EXOC6B: variants seen among roughly 807,000 people sequenced by gnomAD.
EXOC6B encodes exocyst complex component 6B.
Under a neutral mutation model 113.5 loss-of-function variants are expected in EXOC6B, and 54 were observed. The observed-to-expected ratio is 0.48, with a 90% CI of 0.38 to 0.60. The LOEUF (loss-of-function observed/expected upper bound fraction) is 0.60. Among genes scored for constraint, EXOC6B ranks in the 20% least tolerant of loss-of-function variants. The probability of loss-of-function intolerance (pLI) is 0.00; values close to 1 mark genes in which losing one functional copy is unlikely to be tolerated. For missense variants in EXOC6B, 797 were observed against 977.5 expected (o/e 0.82, Z 2.46); for synonymous variants, 357 against 339.0 (o/e 1.05, Z -0.58).
chr2:72,453,772 T>C (rs1573155041), intron 18 of EXOC6B, among the ~76,000 whole-genome samples: 2 of 152,306 alleles, frequency 1.3e-5, no homozygotes, highest in East Asian at 3.9e-4. Context: ...TTAGCATCAA[T>C]AAGAAAGAAT....
At chr2:72,660,482 C>T (rs928834881) in intron 6 of EXOC6B, among the ~76,000 whole-genome samples, 2 of 152,162 alleles carry the variant, frequency 1.3e-5, no homozygotes, top group Admixed American at 6.5e-5. Context: ...TGTCTCCTAA[C>T]AAAACTTTGT....
chr2:72,675,347 A>T (rs79725210), intron 6 of EXOC6B, among the ~76,000 whole-genome samples: 1 of 152,248 alleles, frequency 6.6e-6, no homozygotes, highest in African/African-American at 2.4e-5. Flanking sequence ...TCTTCTGAAC[A>T]ACCTACCTAA....
At chr2:72,454,800 G>C (rs1303392377) in intron 18 of EXOC6B, among the ~76,000 whole-genome samples, 2 of 152,070 alleles carry the variant, frequency 1.3e-5, no homozygotes, top group African/African-American at 4.8e-5. Context: ...TAGCTTTATG[G>C]GGAGAAAAGT....
At chr2:72,340,216 G>A (rs1688943314) in intron 19 of EXOC6B, among the ~76,000 whole-genome samples, 2 of 152,130 alleles carry the variant, frequency 1.3e-5, no homozygotes, top group African/African-American at 2.4e-5. Context: ...TGAGAGTTAG[G>A]AGGGGCCTTG....
intron 1 of EXOC6B, among the ~76,000 whole-genome samples, chr2:72,763,586 G>C (rs1275187897): frequency 6.6e-6 from 1 of 151,504 alleles, no homozygotes; most frequent in African/African-American, 2.4e-5. Context: ...CCACACCCGG[G>C]TAATTTTTGT....
At chr2:72,624,224 C>T (rs1475354214) in intron 6 of EXOC6B, among the ~76,000 whole-genome samples, 4 of 151,826 alleles carry the variant, frequency 2.6e-5, no homozygotes, top group African/African-American at 4.8e-5. Flanking sequence ...TCAAGTGATC[C>T]GCCCATCAAC....
At chr2:72,690,145 C>T (rs1178515663) in intron 6 of EXOC6B, among the ~76,000 whole-genome samples, 1 of 152,142 alleles carries the variant, frequency 6.6e-6, no homozygotes, top group Admixed American at 6.5e-5. Context: ...AACATAAAAC[C>T]TCTAAACAGA....
intron 20 of EXOC6B, among the ~76,000 whole-genome samples, chr2:72,282,574 T>C (rs1308684445): frequency 6.6e-6 from 1 of 151,722 alleles, no homozygotes; most frequent in Non-Finnish European, 1.5e-5. Context: ...TCCCAATGTA[T>C]CACTAATTAA....
chr2:72,688,913 C>G (rs985991518), intron 6 of EXOC6B, among the ~76,000 whole-genome samples: 2 of 152,208 alleles, frequency 1.3e-5, no homozygotes, highest in Non-Finnish European at 2.9e-5. Flanking sequence ...GTTCATGGTA[C>G]TAACCCGATC....
At chr2:72,559,777 G>A (rs1464310946) in intron 7 of EXOC6B, among the ~76,000 whole-genome samples, 1 of 152,180 alleles carries the variant, frequency 6.6e-6, no homozygotes, top group African/African-American at 2.4e-5. Context: ...AGAAACAGGT[G>A]GCACCAATCC....
At chr2:72,736,885 C>T (rs1439737390) in intron 2 of EXOC6B, among the ~76,000 whole-genome samples, 2 of 152,048 alleles carry the variant, frequency 1.3e-5, no homozygotes, top group African/African-American at 2.4e-5. Context: ...GATGGGATGG[C>T]TAGGTGAGGA....
At position 72,176,373 on chromosome 2, in the gene EXOC6B, T is replaced by C. The variant is rs1677736161; in HGVS notation, c.*2962A>G. The C allele has an allele frequency of 6.6e-6, 1 of 152,138 alleles. No individual in the cohort carries two copies. Among genetic ancestry groups the C allele is most frequent in the Non-Finnish European group, 1.5e-5 (1 of 68,084 alleles). The allele number at this position is 152,138 out of a possible 1,614,324, so 9.4% of individuals were successfully genotyped here. A position where few individuals can be genotyped will look rare whatever the true frequency, so the allele number is the denominator to read the frequency against. On this transcript the variant is annotated 3_prime_UTR_variant, in exon 22 of 22. Transcript: ENST00000272427. ...GTAGGGGAATTTCTGCAGCAGTTCC[T>C]AGAGAGTGTGCTCAGAGGCCTGATG...
intron 18 of EXOC6B, among the ~76,000 whole-genome samples, chr2:72,437,502 G>A (rs1317851319): frequency 3.3e-5 from 5 of 152,114 alleles, no homozygotes; most frequent in Admixed American, 6.6e-5. Context: ...GCCCACAGCC[G>A]CCCCTTCCCC....
At chr2:72,762,833 G>A (rs190677278) in intron 1 of EXOC6B, among the ~76,000 whole-genome samples, 7 of 151,886 alleles carry the variant, frequency 4.6e-5, no homozygotes, top group African/African-American at 1.4e-4. Context: ...CAAAAATAAT[G>A]ATAATGAACT....
intron 18 of EXOC6B, among the ~76,000 whole-genome samples, chr2:72,456,160 TG>T (rs1326043011): frequency 6.6e-6 from 1 of 152,154 alleles, no homozygotes; most frequent in Non-Finnish European, 1.5e-5. Context: ...TAATAATGAA[TG>T]CAAGGCATTT....
chr2:72,189,863 T>TC (rs765874834), intron 20 of EXOC6B, among the ~76,000 whole-genome samples: 3 of 110,900 alleles, frequency 2.7e-5, no homozygotes, highest in South Asian at 2.5e-4. Flanking sequence ...TCTTCTTCTT[T>TC]TTTTTTTTTT....
At chr2:72,625,181 G>A (rs968216125) in intron 6 of EXOC6B, among the ~76,000 whole-genome samples, 2 of 151,378 alleles carry the variant, frequency 1.3e-5, no homozygotes, top group Non-Finnish European at 2.9e-5. Flanking sequence ...CTCCCAAACT[G>A]CTGGGATTAC....
intron 20 of EXOC6B, among the ~76,000 whole-genome samples, chr2:72,192,188 T>C (rs1463346384): frequency 1.3e-5 from 2 of 152,130 alleles, no homozygotes; most frequent in Non-Finnish European, 2.9e-5. Flanking sequence ...TCCTTCTGAC[T>C]CCTCAACAGC....
At chr2:72,587,843 AC>A (rs1348166558) in intron 6 of EXOC6B, among the ~76,000 whole-genome samples, 3 of 152,064 alleles carry the variant, frequency 2.0e-5, no homozygotes, top group Admixed American at 2.0e-4. Flanking sequence ...CAAAAAAAAA[AC>A]AACTAACCCA....
Sources: allele counts gnomAD v4.1 joint callset (sites outside exome capture counted in the v4.1 genomes callset), GRCh38; gene constraint gnomAD v4.1.1; transcripts MANE v1.5; gene names NCBI Gene and HGNC (gene_info 2026-07-23, HGNC 2026-07-21).